The following ZNF782 variants were observed in gnomAD, a reference collection of about 807,000 sequenced individuals.
The protein encoded by ZNF782 is zinc finger protein 782.
In ZNF782, 12 loss-of-function variants were observed where a neutral mutation model predicts 13.0. The ratio of observed to expected loss-of-function variants is 0.92; its 90% CI spans 0.59 to 1.50. The LOEUF (loss-of-function observed/expected upper bound fraction) is 1.50. Among genes scored for constraint, ZNF782 ranks in the 40% most tolerant of loss-of-function variants. The pLI is 0.00. For synonymous variants in ZNF782, 284 were observed against 283.0 expected, an observed-to-expected ratio of 1.00 and a Z score of -0.04; for missense variants, 770 against 822.9, an observed-to-expected ratio of 0.94 and a Z score of 0.79.
chr9:96,883,136 A>C, the ZNF782 span, among the ~76,000 whole-genome samples: 4 of 152,214 alleles, frequency 2.6e-5, no homozygotes, highest in African/African-American at 9.6e-5. Flanking sequence ...CTAGACATCG[A>C]AACAAAACTA....
intron 5 of ZNF782, among the ~76,000 whole-genome samples, chr9:96,820,074 G>T: frequency 6.6e-6 from 1 of 152,108 alleles, no homozygotes; most frequent in East Asian, 1.9e-4. Flanking sequence ...ACTGAGAATG[G>T]TGTATACGTA....
At chr9:96,877,962 A>G (rs532022543), upstream of ZNF782, among the ~76,000 whole-genome samples, 18 of 134,132 alleles carry the variant, frequency 1.3e-4, no homozygotes, top group Admixed American at 2.8e-4. Flanking sequence ...TATAATAAAC[A>G]GTCAACCCAA....
chr9:96,885,214 G>A, the ZNF782 span, among the ~76,000 whole-genome samples: 1,405 of 151,740 alleles, frequency 9.3e-3, 52 homozygotes, highest in East Asian at 0.1. Flanking sequence ...AAGGGTTTTC[G>A]GGCAGCTATC....
Position 96,818,830 on chromosome 9 carries a change from T to G in ZNF782, c.1193A>C (p.Glu398Ala). 1 of 1,614,158 alleles carries G rather than the reference T, an allele frequency of 6.2e-7. No individual in the cohort carries two copies. The highest frequency in any genetic ancestry group is 1.1e-5 in the South Asian group (1 of 91,074). The change falls in exon 6 of 6, where the codon GAG (glutamate) becomes GCG (alanine). Residue 398 changes from glutamate (E) to alanine (A), a missense_variant. Coordinates refer to ENST00000481138, the MANE Select transcript of ZNF782 (RefSeq NM_001001662.3). ...HTGEKPYECPECGKAFSEKSR... is the reference protein window; with the variant it reads ...HTGEKPYECPACGKAFSEKSR... ...CTTCTCACTGAAGGCTTTCCCGCAC[T>G]CAGGACATTCATAGGGTTTCTCCCC...
At position 96,818,077 on chromosome 9, in the gene ZNF782, T is replaced by C; in HGVS notation, c.1946A>G (p.Asn649Ser). 6.2e-7 allele frequency: 1 copy of C among 1,613,978 alleles called. No individual in the cohort carries two copies. Residue 649 changes from asparagine to serine, a missense_variant, in exon 6 of 6, where the codon AAT (asparagine) becomes AGT (serine). Physicochemically the swap from Asn to Ser is conservative, Grantham distance 46. Coordinates refer to ENST00000481138, the MANE Select transcript of ZNF782 (RefSeq NM_001001662.3). ...CTGACTGAAAGCTTCCCCACACTGA[T>C]TACAATTATATGGTTTCTCCCCGGT... ...THTGEKPYNCNQCGEAFSQKS... is the reference protein window; with the variant it reads ...THTGEKPYNCSQCGEAFSQKS...
chr9:96,896,621 CTT>C, the ZNF782 span, among the ~76,000 whole-genome samples: 1 of 152,214 alleles, frequency 6.6e-6, no homozygotes, highest in Non-Finnish European at 1.5e-5. Flanking sequence ...ATTAGGCCCT[CTT>C]TGGATTTTAG....
the ZNF782 span, chr9:96,895,941 C>T: frequency 2.6e-5 from 4 of 152,198 alleles, no homozygotes; most frequent in African/African-American, 9.7e-5. Flanking sequence ...ATACTGCATT[C>T]TTGTAGAGCT....
the ZNF782 span, chr9:96,931,914 G>A: frequency 1.2e-6 from 2 of 1,612,140 alleles, no homozygotes; most frequent in East Asian, 4.5e-5. Context: ...GGACAGGATG[G>A]CCGCGGCCCA....
the ZNF782 span, among the ~76,000 whole-genome samples, chr9:96,932,626 T>C: frequency 0.027 from 4,041 of 151,912 alleles, 87 homozygotes; most frequent in African/African-American, 0.091. Context: ...TGCCTGTCAC[T>C]GTCCCGTGAG....
chr9:96,929,042 T>C, the ZNF782 span: 4 of 1,610,196 alleles, frequency 2.5e-6, no homozygotes, highest in South Asian at 3.3e-5. Context: ...CAAATGGAGG[T>C]GAGCCTGTAG....
intron 3 of ZNF782, among the ~76,000 whole-genome samples, chr9:96,849,304 T>C (rs1564010295): frequency 6.6e-6 from 1 of 152,262 alleles, no homozygotes; most frequent in Non-Finnish European, 1.5e-5. Flanking sequence ...GAGAATCTGA[T>C]GCTGCTGATC....
chr9:96,906,539 CACTTA>C, the ZNF782 span, among the ~76,000 whole-genome samples: 1 of 151,536 alleles, frequency 6.6e-6, no homozygotes, highest in Non-Finnish European at 1.5e-5. Context: ...CTCAGGAAGA[CACTTA>C]ACTTTTAACT....
At chr9:96,846,344 T>C (rs1851339652) in intron 3 of ZNF782, among the ~76,000 whole-genome samples, 1 of 152,156 alleles carries the variant, frequency 6.6e-6, no homozygotes, top group African/African-American at 2.4e-5. Flanking sequence ...CATCTCAATA[T>C]TAACATTGAA....
At chr9:96,840,898 T>TA (rs1456567483) in intron 4 of ZNF782, among the ~76,000 whole-genome samples, 2 of 151,734 alleles carry the variant, frequency 1.3e-5, no homozygotes, top group African/African-American at 2.4e-5. Context: ...AGTAAAAAGT[T>TA]AAGAGTAGAA....
At chr9:96,897,434 G>A in the ZNF782 span, among the ~76,000 whole-genome samples, 1 of 152,180 alleles carries the variant, frequency 6.6e-6, no homozygotes, top group Non-Finnish European at 1.5e-5. Context: ...GTGCTCAGAT[G>A]GAGAATCAGC....
intron 1 of ZNF782, among the ~76,000 whole-genome samples, chr9:96,868,448 C>T (rs1851787427): frequency 6.6e-6 from 1 of 152,156 alleles, no homozygotes; most frequent in East Asian, 1.9e-4. Context: ...GAGTTCTTGT[C>T]TTCATGTGGA....
At chr9:96,911,014 T>G in the ZNF782 span, among the ~76,000 whole-genome samples, 1 of 148,442 alleles carries the variant, frequency 6.7e-6, no homozygotes, top group South Asian at 2.1e-4. Context: ...TTGTACATAT[T>G]GTTAGGGTCA....
chr9:96,829,893 A>G (rs1318804165), intron 4 of ZNF782, among the ~76,000 whole-genome samples: 1 of 152,196 alleles, frequency 6.6e-6, no homozygotes, highest in Non-Finnish European at 1.5e-5. Context: ...GTATAGCTAA[A>G]AACTATGGAT....
At chr9:96,922,750 G>A in the ZNF782 span, among the ~76,000 whole-genome samples, 1 of 152,040 alleles carries the variant, frequency 6.6e-6, no homozygotes, top group Non-Finnish European at 1.5e-5. Flanking sequence ...CTCCAGCCTG[G>A]GCGACAGAGC....
Sources: allele counts gnomAD v4.1 joint callset (sites outside exome capture counted in the v4.1 genomes callset), GRCh38; gene constraint gnomAD v4.1.1; transcripts MANE v1.5; gene names NCBI Gene and HGNC (gene_info 2026-07-23, HGNC 2026-07-21).